The following CACNA1G variants were observed in gnomAD, a reference collection of about 807,000 sequenced individuals.
CACNA1G encodes voltage-dependent T-type calcium channel subunit alpha-1G.
In CACNA1G, 67 loss-of-function variants were observed where a neutral mutation model predicts 219.4. The ratio of observed to expected loss-of-function variants is 0.31; its 90% CI spans 0.25 to 0.37. CACNA1G has a LOEUF of 0.37. Among genes scored for constraint, CACNA1G ranks in the 10% least tolerant of loss-of-function variants. The pLI, the probability that CACNA1G is intolerant of heterozygous loss-of-function variation, is 1.00. For missense variants in CACNA1G, 2,380 were observed against 3,231.4 expected, an observed-to-expected ratio of 0.74 and a Z score of 6.39; for synonymous variants, 1,296 against 1,345.3, an observed-to-expected ratio of 0.96 and a Z score of 0.80.
In CACNA1G at chr17:50,596,279, C is replaced by T. The variant is rs1291199614; in HGVS notation, c.2980-283C>T. Among the ~76,000 whole-genome samples, 1 of 152,240 alleles carries T rather than the reference C, an allele frequency of 6.6e-6. No homozygotes were observed. Among genetic ancestry groups the T allele is most frequent in the African/African-American group, 2.4e-5 (1 of 41,466 alleles). ...GCCACCTAGCTACCCCTTCTCTCCC[C>T]AGCCAGCCTTGGTGACCGTTCAGCC... On this transcript the variant is annotated intron_variant, in intron 14 of 37. Transcript: ENST00000359106. The surrounding 1 kb of genome is among the most constrained non-coding windows in gnomAD (Gnocchi z 4.8).
In CACNA1G at chr17:50,575,689, C is replaced by A; in HGVS notation, c.1287C>A (p.Pro429=). Residue 429 remains proline, a synonymous_variant, in exon 8 of 38, where the codon CCC becomes CCA. Coordinates refer to ENST00000359106, the MANE Select transcript of CACNA1G (RefSeq NM_018896.5). ...NASTLASFSE[P]GSCYEELLKY... ...GCACCCTGGCTAGCTTCTCTGAGCC[C>A]GGCAGCTGCTATGAGGAGCTGCTCA... is the stretch of plus-strand genomic sequence containing the variant. 1 of 1,610,154 alleles carries A rather than the reference C, an allele frequency of 6.2e-7. No homozygotes were observed. The highest frequency in any genetic ancestry group is 8.5e-7 in the Non-Finnish European group (1 of 1,178,312).
intron 28 of CACNA1G, 136 bp downstream of exon 28, chr17:50,616,520 C>T (rs956197334): frequency 1.1e-5 from 6 of 560,162 alleles, no homozygotes; most frequent in South Asian, 4.9e-5. Context: ...CTGTGGCTGA[C>T]GTAGGGGACT....
Position 50,561,700 on chromosome 17 carries a change from C to A in CACNA1G, c.241C>A (p.Pro81Thr). Reference protein sequence around the residue: ...RSWCLRTVCNPWFERISMLVI... With the variant: ...RSWCLRTVCNTWFERISMLVI... ...CTGGTGTCTCCGCACGGTCTGTAACCCATATCCTTCGGGGCACGACGGCCA... is the reference window on the plus strand; with the variant it reads ...CTGGTGTCTCCGCACGGTCTGTAACACATATCCTTCGGGGCACGACGGCCA... The change falls in exon 1 of 38, where the codon CCC (proline) becomes ACC (threonine). Residue 81 changes from proline to threonine, a missense_variant and splice_region_variant. Pro to Thr is a conservative substitution (Grantham distance 38, BLOSUM62 -1). This residue lies in a region of CACNA1G where 64 missense variants were observed against 103.7 expected (regional missense o/e 0.62). Transcript: ENST00000359106. 1 of 1,576,642 alleles carries A rather than the reference C, an allele frequency of 6.3e-7. No homozygotes were observed. Among genetic ancestry groups the A allele is most frequent in the South Asian group, 1.1e-5 (1 of 88,516 alleles).
At chr17:50,615,311 CG>C in intron 26 of CACNA1G, 49 bp from the exon 27 acceptor site, 3 of 1,017,908 alleles carry the variant, frequency 2.9e-6, no homozygotes, top group African/African-American at 2.4e-5. Flanking sequence ...TGGAGGGGTG[CG>C]GGGGGCAGGG....
intron 25 of CACNA1G, among the ~76,000 whole-genome samples, chr17:50,608,525 G>GATATATATAT (rs3063068): frequency 1.3e-4 from 19 of 141,772 alleles, no homozygotes; most frequent in African/African-American, 3.9e-4. Context: ...TTTCTACCAT[G>GATATATATAT]ATATATATAT....
intron 36 of CACNA1G, 36 bp from the exon 37 acceptor site, chr17:50,624,324 T>TCCCCCCCCCCCCCCCCCCCCGA: frequency 8.5e-7 from 1 of 1,177,662 alleles, no homozygotes. Context: ...CTCCATTCTC[T>TCCCCCCCCCCCCCCCCCCCCGA]CCCCCCACCC....
intron 9 of CACNA1G, among the ~76,000 whole-genome samples, chr17:50,579,969 C>T (rs1368719663): frequency 6.6e-6 from 1 of 152,136 alleles, no homozygotes; most frequent in Non-Finnish European, 1.5e-5. Flanking sequence ...CTGACCTCTG[C>T]ACCTGCAATA....
At chr17:50,572,457 T>C in intron 5 of CACNA1G, 97 bp from the exon 6 acceptor site, 1 of 1,060,456 alleles carries the variant, frequency 9.4e-7, no homozygotes, top group Non-Finnish European at 1.3e-6. Context: ...GCTCACCCTA[T>C]ATGCCTCGAG....
In CACNA1G at chr17:50,616,402, G is replaced by A. The variant is rs1279692205; in HGVS notation, c.5021+18G>A. The A allele has an allele frequency of 2.1e-6, 3 of 1,452,392 alleles. No homozygotes were observed. The highest frequency in any genetic ancestry group is 2.9e-6 in the Non-Finnish European group (3 of 1,033,944). 90.0% of individuals were successfully genotyped at this position (1,452,392 alleles called of 1,614,324 possible). The stretch of plus-strand genomic sequence containing the variant: ...CAGGACAGGTAACGGAGAAAAGGGG[G>A]GTCTTGGGGACTTGCGTAGAGATAG... On this transcript the variant is annotated intron_variant, in intron 28 of 37. Coordinates refer to ENST00000359106, the MANE Select transcript of CACNA1G (RefSeq NM_018896.5).
Position 50,565,384 on chromosome 17 carries a change from G to A in CACNA1G, c.243-3486G>A, listed in dbSNP as rs9896369. ...CACAGGGAAATAGGCTTGTGGGGTGGGGCGGGGGGTTCTGCTGGGGGAATC... is the reference window on the plus strand; with the variant it reads ...CACAGGGAAATAGGCTTGTGGGGTGAGGCGGGGGGTTCTGCTGGGGGAATC... On this transcript the variant is annotated intron_variant, in intron 1 of 37. Coordinates refer to ENST00000359106, the MANE Select transcript of CACNA1G (RefSeq NM_018896.5). 7.0e-3 allele frequency among the ~76,000 whole-genome samples: 553 copies of A among 79,218 alleles called. 8 individuals are homozygous for A. Among genetic ancestry groups the A allele is most frequent in the African/African-American group, 0.03 (443 of 14,902 alleles). The allele number at this position is 79,218 out of a possible 152,430, so 52.0% of individuals were successfully genotyped here.
intron 36 of CACNA1G, 34 bp from the exon 37 acceptor site, chr17:50,624,326 C>T: frequency 2.8e-6 from 3 of 1,056,362 alleles, no homozygotes; most frequent in Non-Finnish European, 4.3e-6. Flanking sequence ...CCATTCTCTC[C>T]CCCCACCCCT....
At position 50,561,541 on chromosome 17, in the gene CACNA1G, G is replaced by T. The variant is rs1255435687; in HGVS notation, c.82G>T (p.Ala28Ser). 3 of 1,538,938 alleles carry T rather than the reference G, an allele frequency of 1.9e-6. No homozygotes were observed. Among genetic ancestry groups the T allele is most frequent in the Non-Finnish European group, 2.6e-6 (3 of 1,146,544 alleles). ...CATGCGGCTCAACGACCTGTCGGGG[G>T]CCGGGGGCCGGCCGGGGCCGGGGTC... ...SFMRLNDLSG[A>S]GGRPGPGSAE... The change falls in exon 1 of 38, where the codon GCC becomes TCC. Residue 28 changes from alanine (A) to serine (S), a missense_variant. By Grantham distance (99) the Ala-to-Ser change is moderately conservative (BLOSUM62 1). Around this residue, in one of 17 missense-constraint regions of CACNA1G, gnomAD observed 98 missense variants for 85.5 expected, o/e 1.15. Transcript: ENST00000359106.
At chr17:50,613,049 G>T (rs2049579963) in intron 26 of CACNA1G, among the ~76,000 whole-genome samples, 1 of 152,244 alleles carries the variant, frequency 6.6e-6, no homozygotes. Flanking sequence ...AACTTTGGAG[G>T]CCTTTGGGCA....
Position 50,624,346 on chromosome 17 carries a change from C to CCGGG in CACNA1G, c.6230-13_6230-12insGGGC. The CCGGG allele has an allele frequency of 1.6e-5, 11 of 672,570 alleles. No homozygotes were observed. Among genetic ancestry groups the CCGGG allele is most frequent in the Non-Finnish European group, 2.4e-5 (10 of 412,074 alleles). 41.7% of individuals were successfully genotyped at this position (672,570 alleles called of 1,614,324 possible). On this transcript the variant is annotated splice_polypyrimidine_tract_variant and intron_variant, in intron 36 of 37. Transcript: ENST00000359106. The stretch of plus-strand genomic sequence containing the variant: ...CTCTCCCCCCACCCCTCCCCCGCTT[C>CCGGG]CCTCCCTCCACAGGCTCCGTCTTGT...
Position 50,618,729 on chromosome 17 carries a change from C to T in CACNA1G, c.5502C>T (p.Phe1834=), listed in dbSNP as rs199641078. ...TVISPIYFVS[F]VLTAQFVLVN... The stretch of plus-strand genomic sequence containing the variant: ...TCTCGCCTATCTACTTTGTGTCCTT[C>T]GTGCTGACGGCCCAGTTCGTGCTAG... The change falls in exon 33 of 38, where the codon TTC becomes TTT. Residue 1834 remains phenylalanine (F), a synonymous_variant. Coordinates refer to ENST00000359106, the MANE Select transcript of CACNA1G (RefSeq NM_018896.5). The surrounding 1 kb of genome is among the most constrained non-coding windows in gnomAD (Gnocchi z 5.3). The T allele has an allele frequency of 3.4e-5, 55 of 1,613,986 alleles. No individual in the cohort carries two copies. In the African/African-American group the frequency reaches 4.7e-4, roughly 14 times the overall value.
chr17:50,609,861 T>C (rs754233211), intron 25 of CACNA1G, 21 bp from the exon 26 acceptor site: 2 of 1,609,698 alleles, frequency 1.2e-6, no homozygotes, highest in Admixed American at 3.3e-5. Flanking sequence ...CAGTGACCAA[T>C]GTCGTGTTTC....
rs1175319240 is a variant in CACNA1G at position 50,560,986 on chromosome 17, G to A, written c.-474G>A. The A allele has an allele frequency of 4.2e-6, 1 of 239,268 alleles. No homozygotes were observed. Among genetic ancestry groups the A allele is most frequent in the South Asian group, 3.5e-5 (1 of 28,636 alleles). The allele number at this position is 239,268 out of a possible 1,614,324, so 14.8% of individuals were successfully genotyped here. A position where few individuals can be genotyped will look rare whatever the true frequency, so the allele number is the denominator to read the frequency against. On this transcript the variant is annotated 5_prime_UTR_variant, in exon 1 of 38. Coordinates refer to ENST00000359106, the MANE Select transcript of CACNA1G (RefSeq NM_018896.5). ...TCCCTCCTCCCCTCCCCCGCCGCCT[G>A]GCGCGGAGCCGGGACGATGCTGACC...
rs756391037 is a variant in CACNA1G, at chr17:50,591,500, G to A, written c.2519G>A (p.Arg840His). The part of the protein sequence containing the change: ...LSVLRTFRLM[R>H]VLKLVRFLPA... ...GTGCTGCGGACCTTCCGCCTGATGC[G>A]TGTGCTGAAGCTGGTGCGCTTCCTG... Residue 840 changes from arginine to histidine, a missense_variant, in exon 11 of 38, where the codon CGT (arginine) becomes CAT (histidine). By Grantham distance (29) the Arg-to-His change is conservative. Transcript: ENST00000359106. The A allele has an allele frequency of 2.5e-6, 4 of 1,608,878 alleles. No homozygotes were observed. Among genetic ancestry groups the A allele is most frequent in the Non-Finnish European group, 3.4e-6 (4 of 1,178,018 alleles).
At chr17:50,577,325 G>A (rs550079300) in intron 8 of CACNA1G, among the ~76,000 whole-genome samples, 9 of 151,994 alleles carry the variant, frequency 5.9e-5, no homozygotes, top group South Asian at 2.1e-4. Context: ...GGCCCTGAGC[G>A]GGGGGCTTCC....
Sources: gnomAD v4.1 joint callset for allele counts (sites outside exome capture counted in the v4.1 genomes callset) on GRCh38, gnomAD v4.1.1 for gene constraint, gnomAD v4.1.1 regional missense constraint, Gnocchi (gnomAD v3.1) non-coding constraint, MANE v1.5 for transcripts, NCBI Gene and HGNC (gene_info 2026-07-23, HGNC 2026-07-21) for gene names.